The following NIPA2 variants were observed in gnomAD, a reference collection of about 807,000 sequenced individuals.
The protein encoded by NIPA2 is magnesium transporter NIPA2.
In NIPA2, 11 loss-of-function variants were observed where a neutral mutation model predicts 29.7. The ratio of observed to expected loss-of-function variants is 0.37; its 90% CI spans 0.23 to 0.61. The LOEUF is 0.61. Among genes scored for constraint, NIPA2 ranks in the 20% least tolerant of loss-of-function variants. NIPA2 has a pLI of 0.66. For synonymous variants in NIPA2, 183 were observed against 161.9 expected (o/e 1.13, Z -0.99); for missense variants, 426 against 437.9 (o/e 0.97, Z 0.24).
rs749976535 is a variant in NIPA2 at position 22,858,648 on chromosome 15, A to G, written c.287+18A>G. On this transcript the variant is annotated intron_variant, in intron 6 of 7. Transcript: ENST00000337451. ...CTAGTAAGGTAAGGACACGTTTTTC[A>G]TGTAGAAACAGTAGTCGGTATCTTA... 1.8e-5 allele frequency: 26 copies of G among 1,457,688 alleles called. No homozygotes were observed. The highest frequency in any genetic ancestry group is 2.1e-5 in the Non-Finnish European group (22 of 1,063,220). 90.3% of individuals were successfully genotyped at this position (1,457,688 alleles called of 1,614,324 possible). A position where few individuals can be genotyped will look rare whatever the true frequency, so the allele number is the denominator to read the frequency against.
rs1046179789 is a variant in NIPA2 at position 22,860,497 on chromosome 15, C to T, written c.288-132C>T. The stretch of plus-strand genomic sequence containing the variant: ...TGAAATGTATACTTTTTTTCCTTGG[C>T]GAAAGCCAGAATCTTCATAAGTTCA... On this transcript the variant is annotated intron_variant, in intron 6 of 7. Transcript: ENST00000337451. The T allele has an allele frequency of 9.4e-5, 62 of 656,818 alleles. 1 individual carries two copies. Among genetic ancestry groups the T allele is most frequent in the African/African-American group, 8.6e-4 (46 of 53,774 alleles). 40.7% of individuals were successfully genotyped at this position (656,818 alleles called of 1,614,324 possible). A position where few individuals can be genotyped will look rare whatever the true frequency, so the allele number is the denominator to read the frequency against.
chr15:22,839,393 T>A (rs773172380), intron 1 of NIPA2, among the ~76,000 whole-genome samples: 1 of 152,238 alleles, frequency 6.6e-6, no homozygotes, highest in Non-Finnish European at 1.5e-5. Flanking sequence ...GTTCATTTAA[T>A]ACAGGACTGC....
In NIPA2 at chr15:22,851,632, T is replaced by G; in HGVS notation, c.-93-7T>G. 2.2e-6 allele frequency: 2 copies of G among 925,354 alleles called. No individual in the cohort carries two copies. The highest frequency in any genetic ancestry group is 4.5e-5 in the South Asian group (2 of 44,060). 57.3% of individuals were successfully genotyped at this position (925,354 alleles called of 1,614,324 possible). A position where few individuals can be genotyped will look rare whatever the true frequency, so the allele number is the denominator to read the frequency against. On this transcript the variant is annotated splice_region_variant and splice_polypyrimidine_tract_variant and intron_variant, in intron 3 of 7. Transcript: ENST00000337451. ...GTGAAAACCACATTTCATTTTTTATTGTTTAGGTTTGAAGACTGCTTCATT... is the reference window on the plus strand; with the variant it reads ...GTGAAAACCACATTTCATTTTTTATGGTTTAGGTTTGAAGACTGCTTCATT...
intron 7 of NIPA2, among the ~76,000 whole-genome samples, chr15:22,863,593 A>G (rs1450094017): frequency 6.6e-6 from 1 of 152,218 alleles, no homozygotes; most frequent in South Asian, 2.1e-4. Context: ...GTGTGCCAAG[A>G]AACACCGTAA....
intron 3 of NIPA2, among the ~76,000 whole-genome samples, chr15:22,847,313 TCA>T (rs1899032026): frequency 6.6e-6 from 1 of 152,202 alleles, no homozygotes; most frequent in African/African-American, 2.4e-5. Context: ...TACAGAATAT[TCA>T]GACTATAAAT....
At chr15:22,846,579 G>A (rs773633059) in intron 3 of NIPA2, among the ~76,000 whole-genome samples, 4 of 152,048 alleles carry the variant, frequency 2.6e-5, no homozygotes, top group African/African-American at 9.7e-5. Flanking sequence ...TTGGGAGGCC[G>A]AGGCAGGCAG....
At chr15:22,862,957 A>G (rs1028668340) in intron 7 of NIPA2, among the ~76,000 whole-genome samples, 2 of 135,892 alleles carry the variant, frequency 1.5e-5, no homozygotes, top group Non-Finnish European at 3.0e-5. Context: ...GCTGGAGTGC[A>G]GTGGTGTGAT....
Position 22,867,857 on chromosome 15 carries a change from TGAA to T in NIPA2, c.*1015_*1017del, listed in dbSNP as rs1447672658. On this transcript the variant is annotated 3_prime_UTR_variant, in exon 8 of 8. Coordinates refer to ENST00000337451, the MANE Select transcript of NIPA2 (RefSeq NM_030922.7). ...TTGGTTTCTAGAAAATGTTTGTTTATGAAGAAGTCGATGGAAAACTGCAAACAT... is the reference window on the plus strand; with the variant it reads ...TTGGTTTCTAGAAAATGTTTGTTTATGAAGTCGATGGAAAACTGCAAACAT... The T allele has an allele frequency of 2.6e-5, 4 of 152,220 alleles. No homozygotes were observed. The highest frequency in any genetic ancestry group is 4.4e-5 in the Non-Finnish European group (3 of 68,042). The allele number at this position is 152,220 out of a possible 1,614,324, so 9.4% of individuals were successfully genotyped here. A position where few individuals can be genotyped will look rare whatever the true frequency, so the allele number is the denominator to read the frequency against.
Position 22,851,669 on chromosome 15 carries a change from A to T in NIPA2, c.-63A>T. 7.1e-7 allele frequency: 1 copy of T among 1,417,974 alleles called. No homozygotes were observed. Among genetic ancestry groups the T allele is most frequent in the South Asian group, 1.3e-5 (1 of 75,860 alleles). The allele number at this position is 1,417,974 out of a possible 1,614,324, so 87.8% of individuals were successfully genotyped here. A position where few individuals can be genotyped will look rare whatever the true frequency, so the allele number is the denominator to read the frequency against. The stretch of plus-strand genomic sequence containing the variant: ...AAGACTGCTTCATTCTGCCTCTAGT[A>T]CCAGCGGTTTCTCTGTTCTGTGATC... On this transcript the variant is annotated 5_prime_UTR_variant, in exon 4 of 8. Coordinates refer to ENST00000337451, the MANE Select transcript of NIPA2 (RefSeq NM_030922.7).
At chr15:22,850,612 G>C (rs954353574) in intron 3 of NIPA2, among the ~76,000 whole-genome samples, 2 of 152,142 alleles carry the variant, frequency 1.3e-5, no homozygotes, top group African/African-American at 4.8e-5. Flanking sequence ...TGTCTTCCTT[G>C]TGAAGCTAGA....
chr15:22,852,702 C>G (rs73420301), intron 4 of NIPA2, among the ~76,000 whole-genome samples: 10,635 of 152,084 alleles, frequency 0.07, 573 homozygotes, highest in East Asian at 0.23. Flanking sequence ...TTGGCCCTGC[C>G]CTGACTCCTC....
chr15:22,840,446 G>A (rs2140944506), intron 2 of NIPA2, among the ~76,000 whole-genome samples: 1 of 151,900 alleles, frequency 6.6e-6, no homozygotes, highest in African/African-American at 2.4e-5. Context: ...TACAGGCGCC[G>A]GCGACCACGC....
chr15:22,862,294 T>C (rs796739680), intron 7 of NIPA2, among the ~76,000 whole-genome samples: 2 of 150,840 alleles, frequency 1.3e-5, no homozygotes, highest in African/African-American at 4.9e-5. Context: ...GTGATCCACC[T>C]GCCTCGGCCT....
chr15:22,861,562 G>A (rs934645458), intron 7 of NIPA2, among the ~76,000 whole-genome samples: 1 of 152,124 alleles, frequency 6.6e-6, no homozygotes, highest in African/African-American at 2.4e-5. Context: ...TGTGACCACC[G>A]TCTTCTCATT....
chr15:22,867,774 A>G lies in NIPA2; in HGVS notation c.*927A>G, dbSNP rs1241409807. Reference sequence around the variant, plus strand: ...AGAACAAACTTAACATGTTTATAGAATATGGTCTCTTTGTACCAAGTACTT... The same window carrying G: ...AGAACAAACTTAACATGTTTATAGAGTATGGTCTCTTTGTACCAAGTACTT... On this transcript the variant is annotated 3_prime_UTR_variant, in exon 8 of 8. Transcript: ENST00000337451. 1 of 152,214 alleles carries G rather than the reference A, an allele frequency of 6.6e-6. No homozygotes were observed. Among genetic ancestry groups the G allele is most frequent in the Non-Finnish European group, 1.5e-5 (1 of 68,044 alleles). The allele number at this position is 152,214 out of a possible 1,614,324, so 9.4% of individuals were successfully genotyped here.
Position 22,858,547 on chromosome 15 carries a change from T to G in NIPA2, c.204T>G (p.Ala68=). The G allele has an allele frequency of 6.2e-7, 1 of 1,605,400 alleles. No homozygotes were observed. Among genetic ancestry groups the G allele is most frequent in the South Asian group, 1.1e-5 (1 of 89,694 alleles). The change falls in exon 6 of 8, where the codon GCT becomes GCG. Residue 68 remains alanine (A), a synonymous_variant. Transcript: ENST00000337451. The part of the protein sequence containing the change: ...LWWAGLLSMG[A]GEVANFAAYA... ...TTGTTGTCTGTCTCTAAGTGGGAGC[T>G]GGTGAGGTGGCCAACTTCGCTGCGT...
chr15:22,860,820 A>G, intron 7 of NIPA2, 31 bp downstream of exon 7: 1 of 1,521,250 alleles, frequency 6.6e-7, no homozygotes, highest in Admixed American at 2.4e-5. Context: ...GTCTTACTGT[A>G]TTTTACTTTT....
chr15:22,866,741 A>G lies in NIPA2; in HGVS notation c.977A>G (p.Asn326Ser). Reference sequence around the variant, plus strand: ...AAAGCAATGAATGGCAATCTCTCTAATATGTATGAAGTTCTTAATAATAAT... The same window carrying G: ...AAAGCAATGAATGGCAATCTCTCTAGTATGTATGAAGTTCTTAATAATAAT... ...DEKAMNGNLSNMYEVLNNNEE... is the reference protein window; with the variant it reads ...DEKAMNGNLSSMYEVLNNNEE... The change falls in exon 8 of 8, where the codon AAT becomes AGT. Residue 326 changes from asparagine to serine, a missense_variant. Coordinates refer to ENST00000337451, the MANE Select transcript of NIPA2 (RefSeq NM_030922.7). 1.2e-6 allele frequency: 2 copies of G among 1,613,956 alleles called. No homozygotes were observed. The highest frequency in any genetic ancestry group is 8.5e-7 in the Non-Finnish European group (1 of 1,179,842).
Position 22,848,337 on chromosome 15 carries a change from G to A in NIPA2, c.-94+3070G>A, listed in dbSNP as rs558549955. On this transcript the variant is annotated intron_variant, in intron 3 of 7. Coordinates refer to ENST00000337451, the MANE Select transcript of NIPA2 (RefSeq NM_030922.7). ...TCAAGTTTAAAAGCTATAAAACATC[G>A]GTTACATTTTAGGATGCCAATCTAA... 1.0e-3 allele frequency among the ~76,000 whole-genome samples: 153 copies of A among 152,028 alleles called. 1 individual carries two copies. Among genetic ancestry groups the A allele is most frequent in the Middle Eastern group, 3.4e-3 (1 of 294 alleles).
Sources: allele counts gnomAD v4.1 joint callset (sites outside exome capture counted in the v4.1 genomes callset), GRCh38; gene constraint gnomAD v4.1.1; transcripts MANE v1.5; gene names NCBI Gene and HGNC (gene_info 2026-07-23, HGNC 2026-07-21).